The following CDH22 variants were observed in gnomAD, a reference collection of about 807,000 sequenced individuals.
The protein encoded by CDH22 is cadherin-22.
A neutral mutation model predicts 58.4 loss-of-function variants in CDH22; 30 were observed. The observed-to-expected ratio is 0.51, with a 90% CI of 0.38 to 0.70. CDH22 has a LOEUF of 0.70. CDH22 is among the 30% of genes least tolerant of loss of function. The pLI is 0.00. For missense variants in CDH22, 1,014 were observed against 1,233.9 expected (o/e 0.82, Z 2.67); for synonymous variants, 513 against 558.2 (o/e 0.92, Z 1.14).
intron 7 of CDH22, 117 bp from the exon 8 acceptor site, chr20:46,199,676 G>T (rs919354602): frequency 4.7e-6 from 6 of 1,274,174 alleles, no homozygotes; most frequent in South Asian, 1.5e-5. Context: ...CACACAAGGG[G>T]CAGAGAAACC....
intron 1 of CDH22, among the ~76,000 whole-genome samples, chr20:46,264,545 T>C (rs2086448930): frequency 6.6e-6 from 1 of 152,252 alleles, no homozygotes; most frequent in East Asian, 1.9e-4. Flanking sequence ...TATTACAGAA[T>C]CAGGAACAGT....
rs1443533895 is a variant in CDH22 at position 46,251,613 on chromosome 20, C to A, written c.-319G>T. ...GACAGCTCCAGAGTCGGGGAAGCGC[C>A]ATGGTTCCTGCGCAGAAAGGATGCG... On this transcript the variant is annotated 5_prime_UTR_variant, in exon 2 of 12. An upstream start codon of the reference 5' UTR is lost. Transcript: ENST00000537909. The surrounding 1 kb of genome is among the most constrained non-coding windows in gnomAD (Gnocchi z 6.7). 4.6e-6 allele frequency: 1 copy of A among 218,692 alleles called. No homozygotes were observed. The highest frequency in any genetic ancestry group is 2.3e-5 in the African/African-American group (1 of 43,462). The allele number at this position is 218,692 out of a possible 1,614,324, so 13.5% of individuals were successfully genotyped here.
Position 46,174,775 on chromosome 20 carries a change from G to C in CDH22, c.2218C>G (p.Pro740Ala). The C allele has an allele frequency of 6.6e-7, 1 of 1,519,778 alleles. No homozygotes were observed. Among genetic ancestry groups the C allele is most frequent in the Non-Finnish European group, 8.8e-7 (1 of 1,141,120 alleles). The allele number at this position is 1,519,778 out of a possible 1,614,324, so 94.1% of individuals were successfully genotyped here. A position where few individuals can be genotyped will look rare whatever the true frequency, so the allele number is the denominator to read the frequency against. Reference sequence around the variant, plus strand: ...CTGAACACTGAGAAGTCTGGCTCGGGGCTCGGCGGCCCCTGCGGCAGCGAG... The same window carrying C: ...CTGAACACTGAGAAGTCTGGCTCGGCGCTCGGCGGCCCCTGCGGCAGCGAG... The part of the protein sequence containing the change: ...RHSLPQGPPS[P>A]EPDFSVFRDF... Residue 740 changes from proline to alanine, a missense_variant, in exon 12 of 12, where the codon CCC (proline) becomes GCC (alanine). Pro to Ala is a conservative substitution (Grantham distance 27). Coordinates refer to ENST00000537909, the MANE Select transcript of CDH22 (RefSeq NM_021248.3). The surrounding 1 kb of genome is among the most constrained non-coding windows in gnomAD (Gnocchi z 4.4).
At chr20:46,224,063 G>C (rs1465927405) in intron 4 of CDH22, among the ~76,000 whole-genome samples, 1 of 152,108 alleles carries the variant, frequency 6.6e-6, no homozygotes, top group African/African-American at 2.4e-5. Context: ...ATGTTGGCCA[G>C]GCTGGTGTCA....
Position 46,210,607 on chromosome 20 carries a change from C to T in CDH22, c.1033-47G>A. On this transcript the variant is annotated intron_variant, in intron 6 of 11. Transcript: ENST00000537909. This position sits in a 1 kb window ranked among gnomAD's most constrained non-coding sequence, Gnocchi z 4.5. ...CGGTTAGTGGGTGGGGTCTGGTGGA[C>T]ACTGAGGCCTTCACGAGGGAGGCCA... 3 of 1,400,548 alleles carry T rather than the reference C, an allele frequency of 2.1e-6. No homozygotes were observed. The highest frequency in any genetic ancestry group is 2.8e-6 in the Non-Finnish European group (3 of 1,070,910). 86.8% of individuals were successfully genotyped at this position (1,400,548 alleles called of 1,614,324 possible).
At chr20:46,197,072 G>A (rs2085909201) in intron 8 of CDH22, among the ~76,000 whole-genome samples, 1 of 152,100 alleles carries the variant, frequency 6.6e-6, no homozygotes, top group Admixed American at 6.5e-5. Context: ...GATGGGATGG[G>A]GGTGGGGCTC....
chr20:46,307,450 A>C (rs2145791380), intron 1 of CDH22, among the ~76,000 whole-genome samples: 2 of 152,228 alleles, frequency 1.3e-5, no homozygotes, highest in African/African-American at 4.8e-5. Context: ...GGTTAGCCCT[A>C]AGTGGCGCTC....
chr20:46,241,939 C>T lies in CDH22; in HGVS notation c.256-682G>A, dbSNP rs2086292862. On this transcript the variant is annotated intron_variant, in intron 2 of 11. Coordinates refer to ENST00000537909, the MANE Select transcript of CDH22 (RefSeq NM_021248.3). This position sits in a 1 kb window ranked among gnomAD's most constrained non-coding sequence, Gnocchi z 5.2. ...TCTAACAAACTTCCAGGCTGCTGGT[C>T]CATGACCTCACTGTGAATTACAGGT... Among the ~76,000 whole-genome samples the T allele has an allele frequency of 6.6e-6, 1 of 152,272 alleles. No homozygotes were observed. The highest frequency in any genetic ancestry group is 2.1e-4 in the South Asian group (1 of 4,826).
chr20:46,246,528 A>C (rs1473426931), intron 2 of CDH22, among the ~76,000 whole-genome samples: 1 of 152,202 alleles, frequency 6.6e-6, no homozygotes. Flanking sequence ...CCCAGATTTT[A>C]TGGAAATGCT....
intron 8 of CDH22, among the ~76,000 whole-genome samples, chr20:46,197,897 G>C (rs1255522166): frequency 2.6e-5 from 4 of 152,160 alleles, no homozygotes; most frequent in Admixed American, 6.5e-5. Flanking sequence ...TAGGGGAGGA[G>C]GAAGAGGGCT....
chr20:46,296,204 G>A (rs1056972926), intron 1 of CDH22, among the ~76,000 whole-genome samples: 6 of 152,222 alleles, frequency 3.9e-5, no homozygotes, highest in African/African-American at 1.4e-4. Context: ...ATAAGTGGAC[G>A]TCTGTAGATC....
At chr20:46,207,581 G>A (rs557548519) in intron 7 of CDH22, among the ~76,000 whole-genome samples, 1 of 152,344 alleles carries the variant, frequency 6.6e-6, no homozygotes, top group South Asian at 2.1e-4. Context: ...GTGACAGGAT[G>A]GCATTGGCAG....
chr20:46,216,361 C>T lies in CDH22; in HGVS notation c.838+465G>A, dbSNP rs2086085110. Among the ~76,000 whole-genome samples the T allele has an allele frequency of 1.3e-5, 2 of 152,224 alleles. No individual in the cohort carries two copies. The highest frequency in any genetic ancestry group is 4.8e-5 in the African/African-American group (2 of 41,456). The stretch of plus-strand genomic sequence containing the variant: ...CACTCAGACTTAGTTTTTCTCTGCA[C>T]AACCTCTATCTGTCTGGGGGCTGAG... On this transcript the variant is annotated intron_variant, in intron 5 of 11. Transcript: ENST00000537909. This position sits in a 1 kb window ranked among gnomAD's most constrained non-coding sequence, Gnocchi z 5.3.
In CDH22 at chr20:46,241,302, C is replaced by A. The variant is rs776251427; in HGVS notation, c.256-45G>T. On this transcript the variant is annotated intron_variant, in intron 2 of 11. Transcript: ENST00000537909. The surrounding 1 kb of genome is among the most constrained non-coding windows in gnomAD (Gnocchi z 5.2). ...GGCAAGGTGGAGGCTGAGAAGGAAGCTCCTCTTGGCCTCACTGTCTCATGC... is the reference window on the plus strand; with the variant it reads ...GGCAAGGTGGAGGCTGAGAAGGAAGATCCTCTTGGCCTCACTGTCTCATGC... 3.3e-6 allele frequency: 5 copies of A among 1,505,962 alleles called. No homozygotes were observed. Among genetic ancestry groups the A allele is most frequent in the Non-Finnish European group, 4.5e-6 (5 of 1,114,044 alleles). 93.3% of individuals were successfully genotyped at this position (1,505,962 alleles called of 1,614,324 possible).
intron 2 of CDH22, among the ~76,000 whole-genome samples, chr20:46,245,570 C>A (rs1052415689): frequency 6.6e-6 from 1 of 152,104 alleles, no homozygotes; most frequent in Non-Finnish European, 1.5e-5. Context: ...TGAGTGTGAG[C>A]TTGCAAGCTC....
chr20:46,278,788 A>G (rs1298929565), intron 1 of CDH22, among the ~76,000 whole-genome samples: 3 of 151,954 alleles, frequency 2.0e-5, no homozygotes, highest in African/African-American at 7.3e-5. Context: ...GGGTCTCACT[A>G]TGTTGCCCAG....
intron 1 of CDH22, among the ~76,000 whole-genome samples, chr20:46,253,589 G>C (rs547678262): frequency 2.0e-5 from 3 of 152,190 alleles, no homozygotes; most frequent in African/African-American, 7.2e-5. Flanking sequence ...CGCAAGCCCT[G>C]CTCTGTGCTG....
At chr20:46,279,163 A>ATAATG (rs1291586382) in intron 1 of CDH22, among the ~76,000 whole-genome samples, 2 of 152,184 alleles carry the variant, frequency 1.3e-5, no homozygotes, top group Non-Finnish European at 2.9e-5. Flanking sequence ...GCTGAATGAG[A>ATAATG]CAATGCGCAC....
At chr20:46,283,224 T>A (rs1568682744) in intron 1 of CDH22, among the ~76,000 whole-genome samples, 2 of 152,196 alleles carry the variant, frequency 1.3e-5, no homozygotes, top group African/African-American at 4.8e-5. Flanking sequence ...TTGGAACCTA[T>A]GTCTTCAGCC....
Sources: allele counts gnomAD v4.1 joint callset (sites outside exome capture counted in the v4.1 genomes callset), GRCh38; gene constraint gnomAD v4.1.1; non-coding constraint Gnocchi (gnomAD v3.1); transcripts MANE v1.5; gene names NCBI Gene and HGNC (gene_info 2026-07-23, HGNC 2026-07-21).